HIVEP3: variants seen among roughly 807,000 people sequenced by gnomAD.
HIVEP3 encodes the protein HIVEP zinc finger 3, also known as transcription factor HIVEP3.
In HIVEP3, 49 loss-of-function variants were observed where a neutral mutation model predicts 152.8. That is an observed-to-expected ratio of 0.32 (90% CI 0.26 to 0.41). The LOEUF (loss-of-function observed/expected upper bound fraction) is 0.41, where lower values mean the gene tolerates loss of function less well. Ranked by LOEUF, HIVEP3 falls within the 10% of genes least tolerant of loss-of-function variation. HIVEP3 has a pLI of 1.00. For missense variants in HIVEP3, 2,790 were observed against 3,103.3 expected, an observed-to-expected ratio of 0.90 and a Z score of 2.40; for synonymous variants, 1,269 against 1,289.0, an observed-to-expected ratio of 0.98 and a Z score of 0.33.
intron 1 of HIVEP3, among the ~76,000 whole-genome samples, chr1:41,805,135 G>A (rs564208926): frequency 3.3e-5 from 5 of 152,242 alleles, no homozygotes; most frequent in South Asian, 2.1e-4. Context: ...TCAGAAGTTC[G>A]AGACCAGCCT....
intron 8 of HIVEP3, among the ~76,000 whole-genome samples, chr1:41,512,061 G>C (rs1207393791): frequency 1.3e-5 from 2 of 152,156 alleles, no homozygotes; most frequent in African/African-American, 4.8e-5. Flanking sequence ...TCTGCTCAAA[G>C]AACACAGGCA....
At chr1:41,926,605 G>A (rs1382206899) in intron 1 of HIVEP3, among the ~76,000 whole-genome samples, 2 of 152,188 alleles carry the variant, frequency 1.3e-5, no homozygotes, top group Non-Finnish European at 2.9e-5. Flanking sequence ...AGGAAAGGAA[G>A]GAGATGAGCA....
intron 3 of HIVEP3, among the ~76,000 whole-genome samples, chr1:41,602,100 G>A (rs756011233): frequency 1.3e-5 from 2 of 152,094 alleles, no homozygotes; most frequent in Non-Finnish European, 2.9e-5. Context: ...ATCCCACTTG[G>A]TCATGGTGTA....
intron 5 of HIVEP3, among the ~76,000 whole-genome samples, chr1:41,557,417 G>A (rs761351263): frequency 6.6e-6 from 1 of 152,170 alleles, no homozygotes; most frequent in African/African-American, 2.4e-5. Context: ...GGGTGCGGAG[G>A]GAGATGAGGG....
chr1:41,604,946 A>G (rs1192892658), intron 3 of HIVEP3, among the ~76,000 whole-genome samples: 1 of 151,860 alleles, frequency 6.6e-6, no homozygotes, highest in East Asian at 1.9e-4. Context: ...TCTACAAAAA[A>G]TAAATAAAAT....
At chr1:41,757,763 G>A (rs1367439655) in intron 1 of HIVEP3, among the ~76,000 whole-genome samples, 1 of 146,366 alleles carries the variant, frequency 6.8e-6, no homozygotes, top group African/African-American at 2.5e-5. Context: ...GCCCTGGCTG[G>A]AGTGCAATGG....
chr1:41,518,626 C>T, intron 6 of HIVEP3, 138 bp from the exon 7 acceptor site: 1 of 789,702 alleles, frequency 1.3e-6, no homozygotes, highest in Non-Finnish European at 2.1e-6. Context: ...CAGGGCTGGG[C>T]AGGAGCTGGG....
At chr1:41,674,620 T>A (rs1442580098) in intron 2 of HIVEP3, among the ~76,000 whole-genome samples, 1 of 152,202 alleles carries the variant, frequency 6.6e-6, no homozygotes, top group Non-Finnish European at 1.5e-5. Flanking sequence ...ATGGGTTTCC[T>A]ATAATGGCCT....
rs142659629 is a variant in HIVEP3 at position 41,760,097 on chromosome 1, C to G, written c.-800-59102G>C. ...CTGAGGCAGTAGGATTGCTTGAGCC[C>G]AAGAGCTGGAGGCTGCAGTACCCCA... On this transcript the variant is annotated intron_variant, in intron 1 of 8. Transcript: ENST00000372583. Among the ~76,000 whole-genome samples, 1,116 of 152,208 alleles carry G rather than the reference C, an allele frequency of 7.3e-3. 8 individuals carry two copies. Among genetic ancestry groups the G allele is most frequent in the African/African-American group, 0.024 (979 of 41,518 alleles).
intron 5 of HIVEP3, among the ~76,000 whole-genome samples, chr1:41,544,727 CACCGCT>C (rs1289295263): frequency 2.0e-5 from 3 of 146,726 alleles, no homozygotes; most frequent in South Asian, 2.1e-4. Flanking sequence ...CCTGTACCAC[CACCGCT>C]ACCATCACCA....
chr1:41,721,960 T>C (rs1407074293), intron 1 of HIVEP3, among the ~76,000 whole-genome samples: 1 of 152,014 alleles, frequency 6.6e-6, no homozygotes, highest in Non-Finnish European at 1.5e-5. Context: ...CCTAGAGGAG[T>C]GATGCCTGCA....
chr1:41,544,816 C>CCA (rs1181333503), intron 5 of HIVEP3, among the ~76,000 whole-genome samples: 3 of 141,840 alleles, frequency 2.1e-5, no homozygotes, highest in South Asian at 2.3e-4. Flanking sequence ...ACCACTACCA[C>CCA]CTCTACCACC....
At position 41,580,988 on chromosome 1, in the gene HIVEP3, T is replaced by C. The variant is rs748822287; in HGVS notation, c.3810A>G (p.Thr1270=). 23 of 1,578,820 alleles carry C rather than the reference T, an allele frequency of 1.5e-5. No individual in the cohort carries two copies. In the South Asian group the frequency reaches 2.6e-4, roughly 18 times the overall value. ...TGCTGGGGGAGAGGCCAGCACTTCCTGTTGCCAGTGGGGCCAGGCTGGTTT... is the reference window on the plus strand; with the variant it reads ...TGCTGGGGGAGAGGCCAGCACTTCCCGTTGCCAGTGGGGCCAGGCTGGTTT... The part of the protein sequence containing the change: ...QIKTSLAPLA[T]GSAGLSPSTE... The change falls in exon 4 of 9, where the codon ACA becomes ACG. Residue 1270 remains threonine, a synonymous_variant. Coordinates refer to ENST00000372583, the MANE Select transcript of HIVEP3 (RefSeq NM_024503.5).
intron 5 of HIVEP3, among the ~76,000 whole-genome samples, chr1:41,545,606 CA>C (rs1643764491): frequency 7.5e-6 from 1 of 133,960 alleles, no homozygotes; most frequent in Admixed American, 7.3e-5. Flanking sequence ...CCACCACCAC[CA>C]TCACCACCAC....
At chr1:41,903,023 T>C (rs1011008463) in intron 1 of HIVEP3, among the ~76,000 whole-genome samples, 12 of 152,244 alleles carry the variant, frequency 7.9e-5, no homozygotes, top group African/African-American at 1.9e-4. Flanking sequence ...TAACTTGGGT[T>C]ACATTCCTGA....
rs966322416 is a variant in HIVEP3, at chr1:41,626,952, T to C, written c.-522+1797A>G. On this transcript the variant is annotated intron_variant, in intron 3 of 8. Transcript: ENST00000372583. Reference sequence around the variant, plus strand: ...CTGTCTTTAAACTACTGAACCTCTCTGTGCTCAGTTTCCTTATGTGCACAA... The same window carrying C: ...CTGTCTTTAAACTACTGAACCTCTCCGTGCTCAGTTTCCTTATGTGCACAA... 3.3e-5 allele frequency among the ~76,000 whole-genome samples: 5 copies of C among 152,214 alleles called. No homozygotes were observed. In the East Asian group the frequency reaches 9.6e-4, roughly 29 times the overall value.
At chr1:41,758,842 C>T (rs1293271989) in intron 1 of HIVEP3, among the ~76,000 whole-genome samples, 1 of 152,196 alleles carries the variant, frequency 6.6e-6, no homozygotes, top group Non-Finnish European at 1.5e-5. Context: ...GAATCTTAGA[C>T]ACCTCCCTTT....
intron 1 of HIVEP3, among the ~76,000 whole-genome samples, chr1:42,024,754 G>A (rs1225511551): frequency 6.6e-6 from 1 of 152,238 alleles, no homozygotes; most frequent in East Asian, 1.9e-4. Flanking sequence ...TCTGCATAAA[G>A]TACATCAATT....
At chr1:41,882,776 G>A (rs996817784) in intron 1 of HIVEP3, among the ~76,000 whole-genome samples, 2 of 152,136 alleles carry the variant, frequency 1.3e-5, no homozygotes, top group African/African-American at 2.4e-5. Context: ...TTGAGTGAGT[G>A]GAACAGAGGA....
Sources: gnomAD v4.1 joint callset for allele counts (sites outside exome capture counted in the v4.1 genomes callset) on GRCh38, gnomAD v4.1.1 for gene constraint, MANE v1.5 for transcripts, NCBI Gene and HGNC (gene_info 2026-07-23, HGNC 2026-07-21) for gene names.